Variants in ZNF69 observed in about 807,000 individuals in gnomAD.
ZNF69 encodes the protein zinc finger protein 69, also known as ZNF3.
ZNF69 carries 47 observed loss-of-function variants against 50.9 expected under a neutral mutation model. The observed-to-expected ratio is 0.92, with a 90% CI of 0.73 to 1.18. The LOEUF (loss-of-function observed/expected upper bound fraction) is 1.18. ZNF69 is among the 50% of genes most tolerant of loss of function. The pLI is 0.00. For synonymous variants in ZNF69, 216 were observed against 223.1 expected (o/e 0.97, Z 0.29); for missense variants, 717 against 675.1 (o/e 1.06, Z -0.69).
intron 1 of ZNF69, among the ~76,000 whole-genome samples, chr19:11,900,640 C>G (rs1032526779): frequency 6.6e-6 from 1 of 152,182 alleles, no homozygotes; most frequent in African/African-American, 2.4e-5. Context: ...CATGAGCCAC[C>G]GTAACCGGCC....
At chr19:11,957,842 C>CA in the ZNF69 span, among the ~76,000 whole-genome samples, 2 of 151,074 alleles carry the variant, frequency 1.3e-5, no homozygotes, top group African/African-American at 2.4e-5. Flanking sequence ...AAGACTGTCT[C>CA]AAAAAAAGAA....
At chr19:11,899,718 T>G (rs988514400) in intron 1 of ZNF69, among the ~76,000 whole-genome samples, 13 of 152,276 alleles carry the variant, frequency 8.5e-5, no homozygotes, top group African/African-American at 3.1e-4. Flanking sequence ...GGAGGACTTT[T>G]GTGTGGACAT....
At chr19:11,969,803 T>G in the ZNF69 span, among the ~76,000 whole-genome samples, 3 of 152,192 alleles carry the variant, frequency 2.0e-5, no homozygotes, top group African/African-American at 4.8e-5. Flanking sequence ...GAAAAATCCT[T>G]TCTGCCTCTC....
the ZNF69 span, among the ~76,000 whole-genome samples, chr19:11,937,116 A>G: frequency 6.6e-6 from 1 of 152,260 alleles, no homozygotes; most frequent in African/African-American, 2.4e-5. Flanking sequence ...TCATTCACAG[A>G]TCATGCTTTT....
the ZNF69 span, among the ~76,000 whole-genome samples, chr19:11,964,478 G>T: frequency 2.6e-5 from 4 of 152,214 alleles, no homozygotes; most frequent in African/African-American, 9.6e-5. Context: ...TAGGTCAGAA[G>T]GTTAAATTAA....
chr19:11,962,607 C>G, the ZNF69 span, among the ~76,000 whole-genome samples: 80 of 152,218 alleles, frequency 5.3e-4, no homozygotes, highest in Admixed American at 9.2e-4. Context: ...GTGACCCCCC[C>G]CCACCTCAGC....
chr19:11,910,880 C>T (rs1279346206), downstream of ZNF69, among the ~76,000 whole-genome samples: 1 of 152,166 alleles, frequency 6.6e-6, no homozygotes. Context: ...TCAGAGTGAA[C>T]AGGCAACCTA....
chr19:11,889,420 T>C (rs1977027740), intron 1 of ZNF69, among the ~76,000 whole-genome samples: 1 of 150,816 alleles, frequency 6.6e-6, no homozygotes, highest in Non-Finnish European at 1.5e-5. Flanking sequence ...TTTTTGGGGG[T>C]TCCCTTGGCC....
the ZNF69 span, chr19:11,948,840 C>T: frequency 3.1e-6 from 5 of 1,609,098 alleles, no homozygotes; most frequent in Non-Finnish European, 3.4e-6. Context: ...AAAGAACTCA[C>T]ACTGGGGAGA....
At chr19:11,890,528 T>C (rs183589098) in intron 1 of ZNF69, among the ~76,000 whole-genome samples, 2 of 152,226 alleles carry the variant, frequency 1.3e-5, no homozygotes, top group Admixed American at 1.3e-4. Flanking sequence ...TTTTTGTTAG[T>C]ACATACCAAA....
intron 1 of ZNF69, among the ~76,000 whole-genome samples, chr19:11,896,883 G>T (rs571707010): frequency 1.3e-5 from 2 of 152,114 alleles, no homozygotes; most frequent in Admixed American, 1.3e-4. Context: ...TATAACTGTA[G>T]TCATATTTCA....
chr19:11,922,817 T>C, the ZNF69 span, among the ~76,000 whole-genome samples: 2 of 147,658 alleles, frequency 1.4e-5, no homozygotes, highest in Non-Finnish European at 3.0e-5. Context: ...TTTTATGGGT[T>C]TTTTTGTTTT....
the ZNF69 span, among the ~76,000 whole-genome samples, chr19:11,966,623 C>G: frequency 6.6e-6 from 1 of 152,166 alleles, no homozygotes; most frequent in African/African-American, 2.4e-5. Context: ...ATCCACCTGC[C>G]TCGGCCTCCC....
chr19:11,923,270 T>C, the ZNF69 span, among the ~76,000 whole-genome samples: 1 of 152,210 alleles, frequency 6.6e-6, no homozygotes, highest in South Asian at 2.1e-4. Flanking sequence ...CCAGTGACCC[T>C]CATCCCCCTC....
At chr19:11,927,015 G>A in the ZNF69 span, among the ~76,000 whole-genome samples, 3 of 152,228 alleles carry the variant, frequency 2.0e-5, no homozygotes, top group South Asian at 6.2e-4. Context: ...ACACAGGAAG[G>A]AATTCAAGAC....
rs1370053314 is a variant in ZNF69, at chr19:11,906,619, G to T, written c.*521G>T. ...CAGACCTCAGCTGAGGGTCCTGACT[G>T]TTAGAAGGAAAACTAACAAACAGAA... On this transcript the variant is annotated 3_prime_UTR_variant, in exon 4 of 4. Transcript: ENST00000429654. Among the ~76,000 whole-genome samples, 2 of 152,184 alleles carry T rather than the reference G, an allele frequency of 1.3e-5. No homozygotes were observed. The highest frequency in any genetic ancestry group is 4.8e-5 in the African/African-American group (2 of 41,452).
chr19:11,918,761 G>GT (rs1008133215), downstream of ZNF69, among the ~76,000 whole-genome samples: 1,161 of 148,650 alleles, frequency 7.8e-3, 8 homozygotes, highest in Middle Eastern at 0.014. Context: ...AGCAATTAGG[G>GT]TTTTTTTTTT....
intron 1 of ZNF69, among the ~76,000 whole-genome samples, chr19:11,897,882 A>G (rs1308670300): frequency 6.6e-5 from 10 of 151,686 alleles, no homozygotes; most frequent in African/African-American, 9.7e-5. Context: ...AAAAAAAAAA[A>G]AAAAGAAAAG....
chr19:11,957,266 T>C, the ZNF69 span, among the ~76,000 whole-genome samples: 1 of 151,656 alleles, frequency 6.6e-6, no homozygotes, highest in Non-Finnish European at 1.5e-5. Flanking sequence ...TAATTTTTTC[T>C]ATTTTTTTTA....
Sources: gnomAD v4.1 joint callset for allele counts (sites outside exome capture counted in the v4.1 genomes callset) on GRCh38, gnomAD v4.1.1 for gene constraint, MANE v1.5 for transcripts, NCBI Gene and HGNC (gene_info 2026-07-23, HGNC 2026-07-21) for gene names.